ALPL: variants seen among roughly 807,000 people sequenced by gnomAD.
The protein encoded by ALPL is alkaline phosphatase, tissue-nonspecific isozyme.
In ALPL, 42 loss-of-function variants were observed where a neutral mutation model predicts 51.3. The observed-to-expected ratio is 0.82, with a 90% CI of 0.64 to 1.06. The LOEUF (loss-of-function observed/expected upper bound fraction) is 1.06. Among genes scored for constraint, ALPL ranks in the 50% least tolerant of loss-of-function variants. The pLI is 0.00. For missense variants in ALPL, 589 were observed against 709.4 expected, an observed-to-expected ratio of 0.83 and a Z score of 1.93; for synonymous variants, 279 against 296.4, an observed-to-expected ratio of 0.94 and a Z score of 0.60.
intron 10 of ALPL, 82 bp downstream of exon 10, chr1:21,576,006 C>G (rs1644726702): frequency 1.3e-6 from 2 of 1,522,968 alleles, no homozygotes; most frequent in South Asian, 1.1e-5. Context: ...GGAGAGCCAG[C>G]AAGCCCAGAG....
intron 8 of ALPL, among the ~76,000 whole-genome samples, chr1:21,571,764 T>C (rs1644653220): frequency 6.6e-6 from 1 of 151,996 alleles, no homozygotes; most frequent in Non-Finnish European, 1.5e-5. Context: ...CCAAGGCAGG[T>C]TGATCACTTG....
chr1:21,512,406 A>G (rs1570151317), intron 1 of ALPL, among the ~76,000 whole-genome samples: 1 of 152,172 alleles, frequency 6.6e-6, no homozygotes, highest in African/African-American at 2.4e-5. Context: ...TGGTTTTCCA[A>G]CTTTGGGCTG....
At chr1:21,528,791 C>T (rs1227254598) in intron 1 of ALPL, among the ~76,000 whole-genome samples, 5 of 149,256 alleles carry the variant, frequency 3.3e-5, no homozygotes, top group Admixed American at 1.3e-4. Context: ...GAGTCAGGGC[C>T]GGGCGTCGTG....
chr1:21,563,143 G>A lies in ALPL; in HGVS notation c.331G>A (p.Ala111Thr), dbSNP rs773257111. 12 of 1,613,492 alleles carry A rather than the reference G, an allele frequency of 7.4e-6. No homozygotes were observed. The highest frequency in any genetic ancestry group is 1.7e-5 in the Admixed American group (1 of 59,998). ...CACCAATGCCCAGGTCCCTGACAGT[G>A]CCGGCACCGCCACCGCCTACCTGTG... ...YNTNAQVPDS[A>T]GTATAYLCGV... The change falls in exon 5 of 12, where the codon GCC becomes ACC. Residue 111 changes from alanine (A) to threonine (T), a missense_variant. By Grantham distance (58) the Ala-to-Thr change is moderately conservative. Coordinates refer to ENST00000374840, the MANE Select transcript of ALPL (RefSeq NM_000478.6).
chr1:21,573,503 G>C (rs1489915259), intron 8 of ALPL, among the ~76,000 whole-genome samples, 162 bp from the exon 9 acceptor site: 1 of 151,702 alleles, frequency 6.6e-6, no homozygotes, highest in East Asian at 1.9e-4. Flanking sequence ...CCTAATTCTG[G>C]GCCCACAAAA....
upstream of ALPL, among the ~76,000 whole-genome samples, chr1:21,508,991 G>C (rs1643624492): frequency 6.6e-6 from 1 of 152,106 alleles, no homozygotes; most frequent in Non-Finnish European, 1.5e-5. Context: ...GACAGACACA[G>C]AGACAGACGC....
intron 4 of ALPL, among the ~76,000 whole-genome samples, chr1:21,562,255 G>A (rs1644495392): frequency 6.6e-6 from 1 of 152,180 alleles, no homozygotes; most frequent in Admixed American, 6.5e-5. Context: ...CGCTAATGAA[G>A]TGAGCTCATG....
intron 2 of ALPL, 58 bp from the exon 3 acceptor site, chr1:21,560,568 G>C: frequency 6.2e-7 from 1 of 1,605,602 alleles, no homozygotes; most frequent in Non-Finnish European, 8.5e-7. Flanking sequence ...GGATCTGTAC[G>C]TCTGGAGATA....
At chr1:21,573,436 CA>C (rs35155164) in intron 8 of ALPL, among the ~76,000 whole-genome samples, 58 of 113,982 alleles carry the variant, frequency 5.1e-4, no homozygotes, top group African/African-American at 5.5e-4. Flanking sequence ...GACTCTGTCT[CA>C]AAAAAAAAAA....
At chr1:21,565,255 C>T (rs1341390262) in intron 6 of ALPL, among the ~76,000 whole-genome samples, 1 of 152,164 alleles carries the variant, frequency 6.6e-6, no homozygotes. Flanking sequence ...GATTAAGTAC[C>T]CGCTTTCAGG....
At chr1:21,549,834 C>G (rs1195430548) in intron 1 of ALPL, among the ~76,000 whole-genome samples, 2 of 152,170 alleles carry the variant, frequency 1.3e-5, no homozygotes, top group Non-Finnish European at 2.9e-5. Context: ...AGGTATAAAT[C>G]TGGATTCAGA....
chr1:21,550,018 A>T (rs1644301164), intron 1 of ALPL, among the ~76,000 whole-genome samples: 1 of 152,232 alleles, frequency 6.6e-6, no homozygotes, highest in Non-Finnish European at 1.5e-5. Flanking sequence ...GTATAGACGT[A>T]AACCCTCCCA....
intron 1 of ALPL, among the ~76,000 whole-genome samples, chr1:21,540,911 T>C (rs1644175576): frequency 6.6e-6 from 1 of 152,240 alleles, no homozygotes; most frequent in South Asian, 2.1e-4. Context: ...AGTGAGTGTG[T>C]GAGGGAGAGA....
At chr1:21,565,748 C>T (rs569208531) in intron 6 of ALPL, among the ~76,000 whole-genome samples, 1 of 151,588 alleles carries the variant, frequency 6.6e-6, no homozygotes, top group Admixed American at 6.6e-5. Flanking sequence ...CCGTCACCAC[C>T]CCCCCAAAAG....
At chr1:21,512,702 A>G (rs1032935527) in intron 1 of ALPL, among the ~76,000 whole-genome samples, 1 of 151,964 alleles carries the variant, frequency 6.6e-6, no homozygotes, top group East Asian at 1.9e-4. Context: ...TAGTCTCCGT[A>G]TTTTTCTGCC....
chr1:21,511,288 C>A (rs1643682272), intron 1 of ALPL, among the ~76,000 whole-genome samples: 1 of 152,170 alleles, frequency 6.6e-6, no homozygotes, highest in Non-Finnish European at 1.5e-5. Context: ...ATTGGCCAAC[C>A]TTTGGCCCTC....
Position 21,539,578 on chromosome 1 carries a change from A to C in ALPL, c.-104-14400A>C, listed in dbSNP as rs1230064742. On this transcript the variant is annotated intron_variant, in intron 1 of 11. Coordinates refer to ENST00000374840, the MANE Select transcript of ALPL (RefSeq NM_000478.6). Reference sequence around the variant, plus strand: ...CCAAATCCTCAGCTGGTTAGTGGGGAGACCTATCCCTGCCCCTGATGTGCT... The same window carrying C: ...CCAAATCCTCAGCTGGTTAGTGGGGCGACCTATCCCTGCCCCTGATGTGCT... Among the ~76,000 whole-genome samples, 4 of 151,750 alleles carry C rather than the reference A, an allele frequency of 2.6e-5. No individual in the cohort carries two copies. The East Asian group carries it at 7.8e-4, about 30-fold the overall frequency.
intron 1 of ALPL, among the ~76,000 whole-genome samples, chr1:21,542,796 C>T (rs1644205292): frequency 6.6e-6 from 1 of 152,174 alleles, no homozygotes; most frequent in Non-Finnish European, 1.5e-5. Flanking sequence ...CGAGATTGCG[C>T]TACTGCACTC....
chr1:21,551,259 A>C (rs530865399), intron 1 of ALPL: 3 of 152,356 alleles, frequency 2.0e-5, no homozygotes, highest in Admixed American at 2.0e-4. Context: ...AGAGACAAAC[A>C]AGACAAAGTC....
Sources: gnomAD v4.1 joint callset for allele counts (sites outside exome capture counted in the v4.1 genomes callset) on GRCh38, gnomAD v4.1.1 for gene constraint, MANE v1.5 for transcripts, NCBI Gene and HGNC (gene_info 2026-07-23, HGNC 2026-07-21) for gene names.